Variants in PALM2AKAP2 observed in about 807,000 individuals in gnomAD.
PALM2AKAP2 encodes the protein PALM2 and AKAP2 fusion.
Under a neutral mutation model 71.5 loss-of-function variants are expected in PALM2AKAP2, and 37 were observed. The observed-to-expected ratio is 0.52, with a 90% CI of 0.40 to 0.68. PALM2AKAP2 has a LOEUF of 0.68. Ranked by LOEUF, PALM2AKAP2 falls within the 30% of genes least tolerant of loss-of-function variation. PALM2AKAP2 has a pLI of 0.00. For missense variants in PALM2AKAP2, 1,224 were observed against 1,191.8 expected (o/e 1.03, Z -0.40); for synonymous variants, 468 against 478.8 (o/e 0.98, Z 0.29).
intron 3 of PALM2AKAP2, among the ~76,000 whole-genome samples, chr9:109,907,472 C>A (rs1830474679): frequency 6.6e-6 from 1 of 152,198 alleles, no homozygotes. Flanking sequence ...TCATTTCAGG[C>A]CTTTCTCTCT....
intron 1 of PALM2AKAP2, among the ~76,000 whole-genome samples, chr9:109,687,465 G>A (rs1827821659): frequency 1.3e-5 from 2 of 152,186 alleles, no homozygotes; most frequent in African/African-American, 4.8e-5. Flanking sequence ...GCACTTTTAT[G>A]TTATGCAGAG....
intron 1 of PALM2AKAP2, among the ~76,000 whole-genome samples, chr9:109,799,507 T>G (rs1367182258): frequency 6.6e-6 from 1 of 152,196 alleles, no homozygotes; most frequent in Non-Finnish European, 1.5e-5. Context: ...GGGGAGTTTA[T>G]TTTTGAGATG....
intron 6 of PALM2AKAP2, among the ~76,000 whole-genome samples, chr9:110,005,845 C>T (rs1588054694): frequency 6.6e-6 from 1 of 152,232 alleles, no homozygotes; most frequent in African/African-American, 2.4e-5. Context: ...ATACAATCTC[C>T]TGGTGTGCCG....
chr9:110,088,703 GTTTTTTTTTT>G (rs71373964), intron 1 of PALM2AKAP2, among the ~76,000 whole-genome samples: 9 of 75,628 alleles, frequency 1.2e-4, no homozygotes, highest in Admixed American at 7.6e-4. Context: ...GCATTTACGT[GTTTTTTTTTT>G]TTTTTTTTTT....
intron 1 of PALM2AKAP2, among the ~76,000 whole-genome samples, chr9:110,060,566 C>G (rs956426186): frequency 1.3e-5 from 2 of 152,018 alleles, no homozygotes; most frequent in African/African-American, 4.8e-5. Context: ...CTCCATCACT[C>G]TCATGAGGAA....
At chr9:109,917,757 G>A (rs1830727940) in intron 3 of PALM2AKAP2, among the ~76,000 whole-genome samples, 2 of 152,136 alleles carry the variant, frequency 1.3e-5, no homozygotes, top group Admixed American at 1.3e-4. Flanking sequence ...GTCTCCCAAA[G>A]TGCTGGGATT....
chr9:110,167,093 G>A lies in PALM2AKAP2; in HGVS notation c.2749-1306G>A, dbSNP rs372219201. ...CCTTTATAAAACCATCAGGTCTGGT[G>A]AGACTTATTCACTATCACGAGAACA... On this transcript the variant is annotated intron_variant, in intron 3 of 3. Transcript: ENST00000374525. Among the ~76,000 whole-genome samples, 6 of 152,268 alleles carry A rather than the reference G, an allele frequency of 3.9e-5. No individual in the cohort carries two copies. In the East Asian group the frequency reaches 7.7e-4, roughly 20 times the overall value.
chr9:109,905,807 G>A (rs934422512), intron 3 of PALM2AKAP2, among the ~76,000 whole-genome samples: 3 of 152,068 alleles, frequency 2.0e-5, no homozygotes, highest in East Asian at 1.9e-4. Context: ...TGGCCAACAC[G>A]TTACCATAAA....
chr9:109,904,863 G>A (rs528373327), intron 3 of PALM2AKAP2, among the ~76,000 whole-genome samples: 22 of 152,228 alleles, frequency 1.4e-4, no homozygotes, highest in Non-Finnish European at 2.8e-4. Context: ...AAAAGCATAA[G>A]TCTCTGGGTG....
chr9:109,884,111 GCAAGCATT>G (rs1304667158), intron 3 of PALM2AKAP2, among the ~76,000 whole-genome samples: 1 of 152,214 alleles, frequency 6.6e-6, no homozygotes, highest in African/African-American at 2.4e-5. Flanking sequence ...ATTGAAAACT[GCAAGCATT>G]CAGGAAAATG....
chr9:110,127,081 C>G (rs1337948104), intron 1 of PALM2AKAP2, among the ~76,000 whole-genome samples: 1 of 152,166 alleles, frequency 6.6e-6, no homozygotes, highest in Non-Finnish European at 1.5e-5. Flanking sequence ...AATAGCAGAA[C>G]AGTGATTACT....
rs536068943 is a variant in PALM2AKAP2, at chr9:109,835,665, C to T, written c.46-31826C>T. ...CTGTGACAGACAGCACCTGGAAAAT[C>T]GGGTCACTCCCACCCTAATACTACG... On this transcript the variant is annotated intron_variant, in intron 1 of 9. Transcript: ENST00000302798. 2.2e-3 allele frequency among the ~76,000 whole-genome samples: 342 copies of T among 152,268 alleles called. 1 individual carries two copies. Among genetic ancestry groups the T allele is most frequent in the Non-Finnish European group, 4.1e-3 (282 of 68,020 alleles).
chr9:109,781,028 C>G (rs79335406), intron 1 of PALM2AKAP2, among the ~76,000 whole-genome samples: 3,724 of 152,270 alleles, frequency 0.024, 164 homozygotes, highest in African/African-American at 0.085. Context: ...TTTCCCTTCT[C>G]TGTTTGATAT....
chr9:109,965,564 A>G (rs1831931116), intron 6 of PALM2AKAP2, among the ~76,000 whole-genome samples: 1 of 152,254 alleles, frequency 6.6e-6, no homozygotes, highest in Admixed American at 6.5e-5. Context: ...AGGTTACCAG[A>G]GGACCTGGGG....
chr9:109,801,780 G>A (rs1259269230), intron 1 of PALM2AKAP2, among the ~76,000 whole-genome samples: 1 of 151,642 alleles, frequency 6.6e-6, no homozygotes, highest in African/African-American at 2.4e-5. Context: ...CATACTCCTT[G>A]TGTGATGTTA....
intron 1 of PALM2AKAP2, among the ~76,000 whole-genome samples, chr9:110,065,118 C>G (rs186827798): frequency 6.6e-6 from 1 of 152,206 alleles, no homozygotes. Context: ...CCTGCACTTC[C>G]GTGACAGCAG....
intron 3 of PALM2AKAP2, among the ~76,000 whole-genome samples, chr9:109,908,082 G>C (rs9886729): frequency 0.39 from 59,521 of 152,088 alleles, 12,458 homozygotes; most frequent in Non-Finnish European, 0.46. Context: ...GAACTATATT[G>C]ATTGAGCACA....
chr9:110,138,685 G>A, intron 2 of PALM2AKAP2, 146 bp downstream of exon 8: 32 of 1,426,830 alleles, frequency 2.2e-5, no homozygotes, highest in Non-Finnish European at 2.8e-5. Context: ...CCAGCATACA[G>A]GGACATGCAA....
chr9:109,641,248 A>T (rs570146591), intron 1 of PALM2AKAP2, among the ~76,000 whole-genome samples: 1 of 152,350 alleles, frequency 6.6e-6, no homozygotes, highest in African/African-American at 2.4e-5. Flanking sequence ...GACTGCAGTT[A>T]AAAAAAGAGG....
Sources: allele counts gnomAD v4.1 joint callset (sites outside exome capture counted in the v4.1 genomes callset), GRCh38; gene constraint gnomAD v4.1.1; transcripts MANE v1.5; gene names NCBI Gene and HGNC (gene_info 2026-07-23, HGNC 2026-07-21).